The following DIP2C variants were observed in gnomAD, a reference collection of about 807,000 sequenced individuals.
DIP2C encodes the protein disco-interacting protein 2 homolog C.
Under a neutral mutation model 192.4 loss-of-function variants are expected in DIP2C, and 33 were observed. That is an observed-to-expected ratio of 0.17 (90% CI 0.13 to 0.23). The LOEUF (loss-of-function observed/expected upper bound fraction) is 0.23. DIP2C is among the 10% of genes least tolerant of loss of function. The probability of loss-of-function intolerance (pLI) is 1.00; values close to 1 mark genes in which losing one functional copy is unlikely to be tolerated. For synonymous variants in DIP2C, 979 were observed against 864.1 expected, an observed-to-expected ratio of 1.13 and a Z score of -2.33; for missense variants, 1,537 against 2,110.1, an observed-to-expected ratio of 0.73 and a Z score of 5.32.
intron 1 of DIP2C, among the ~76,000 whole-genome samples, chr10:633,749 T>C (rs1024694529): frequency 3.9e-5 from 6 of 152,204 alleles, no homozygotes; most frequent in East Asian, 1.9e-4. Context: ...CCTCCACCCA[T>C]TGAAGCACAA....
At chr10:356,578 C>T (rs1052330188) in intron 23 of DIP2C, 72 bp from the exon 24 acceptor site, 1 of 1,302,996 alleles carries the variant, frequency 7.7e-7, no homozygotes, top group Admixed American at 2.0e-5. Flanking sequence ...GGTGGGGCAA[C>T]CTGGATACTC....
At position 414,739 on chromosome 10, in the gene DIP2C, GTACA is replaced by G. The variant is rs1474942340; in HGVS notation, c.860-633_860-630del. Among the ~76,000 whole-genome samples, 94 of 90,516 alleles carry G rather than the reference GTACA, an allele frequency of 1.0e-3. 4 individuals carry two copies. The highest frequency in any genetic ancestry group is 3.4e-3 in the African/African-American group (75 of 22,222). The allele number at this position is 90,516 out of a possible 152,430, so 59.4% of individuals were successfully genotyped here. On this transcript the variant is annotated intron_variant, in intron 7 of 36. Transcript: ENST00000280886. ...TGTGTGTGTGTGTGTGTGTGTGTGT[GTACA>G]TATATATATATATAATGTGTATATA...
At chr10:664,657 A>T (rs1856976853) in intron 1 of DIP2C, 2 of 152,256 alleles carry the variant, frequency 1.3e-5, no homozygotes, top group South Asian at 2.1e-4. Context: ...ATGATTTTTT[A>T]AAATTTATGT....
chr10:649,932 G>T, intron 1 of DIP2C: 1 of 589,512 alleles, frequency 1.7e-6, no homozygotes, highest in South Asian at 2.0e-5. Context: ...GCGTCACGGC[G>T]TTGCCGCACA....
intron 2 of DIP2C, among the ~76,000 whole-genome samples, chr10:480,626 T>TCC (rs753753540): frequency 1.3e-5 from 2 of 152,346 alleles, no homozygotes; most frequent in Non-Finnish European, 2.9e-5. Flanking sequence ...GGTGCTACCC[T>TCC]CCCCACTGGA....
intron 1 of DIP2C, chr10:668,131 CAT>C (rs1295579873): frequency 2.6e-5 from 4 of 151,736 alleles, no homozygotes; most frequent in Middle Eastern, 3.4e-3. Flanking sequence ...CAACATACAA[CAT>C]ATACAACACA....
At chr10:430,175 C>T (rs1419388234) in intron 4 of DIP2C, 3 of 152,184 alleles carry the variant, frequency 2.0e-5, no homozygotes, top group Non-Finnish European at 4.4e-5. Flanking sequence ...GATTTGCCAT[C>T]TTTATATCTT....
At chr10:402,032 T>C (rs1422068618) in intron 9 of DIP2C, among the ~76,000 whole-genome samples, 1 of 110,254 alleles carries the variant, frequency 9.1e-6, no homozygotes, top group Non-Finnish European at 1.9e-5. Context: ...TATGGACAAG[T>C]TTGGTATGTG....
chr10:328,737 G>A (rs1209362596), intron 30 of DIP2C, among the ~76,000 whole-genome samples: 1 of 151,222 alleles, frequency 6.6e-6, no homozygotes, highest in Non-Finnish European at 1.5e-5. Flanking sequence ...CTGTGTAGAT[G>A]ACAGAAACAC....
At position 276,838 on chromosome 10, in the gene DIP2C, G is replaced by C. The variant is rs1045064384; in HGVS notation, c.*487C>G. 12 of 155,340 alleles carry C rather than the reference G, an allele frequency of 7.7e-5. No homozygotes were observed. The highest frequency in any genetic ancestry group is 2.9e-4 in the African/African-American group (12 of 41,566). 9.6% of individuals were successfully genotyped at this position (155,340 alleles called of 1,614,324 possible). A position where few individuals can be genotyped will look rare whatever the true frequency, so the allele number is the denominator to read the frequency against. On this transcript the variant is annotated 3_prime_UTR_variant, in exon 37 of 37. Transcript: ENST00000280886. ...CTCGTACCTCAAACTTTCCTAAAAG[G>C]ATGAGATCTAGCAATGGCTTAAATT...
chr10:658,018 C>A lies in DIP2C; in HGVS notation c.85+31476G>T, dbSNP rs576439626. On this transcript the variant is annotated intron_variant, in intron 1 of 36. Coordinates refer to ENST00000280886, the MANE Select transcript of DIP2C (RefSeq NM_014974.3). ...GCCACTGGACCTGACCCTGGACCTG[C>A]CCCTGGACCTGCCCTTGGACCTGTC... Among the ~76,000 whole-genome samples the A allele has an allele frequency of 4.3e-3, 613 of 144,158 alleles. 2 individuals are homozygous for A. The highest frequency in any genetic ancestry group is 0.015 in the African/African-American group (563 of 38,376). The allele number at this position is 144,158 out of a possible 152,430, so 94.6% of individuals were successfully genotyped here.
At chr10:362,361 G>A (rs1959642199) in intron 22 of DIP2C, 129 bp downstream of exon 22, 1 of 1,087,904 alleles carries the variant, frequency 9.2e-7, no homozygotes. Flanking sequence ...ATTTTCTTGG[G>A]GTAACCACTT....
chr10:551,364 C>T (rs1848577196), intron 1 of DIP2C, among the ~76,000 whole-genome samples: 1 of 152,222 alleles, frequency 6.6e-6, no homozygotes, highest in African/African-American at 2.4e-5. Context: ...CTTGGAGTTC[C>T]AAAGGCCACG....
intron 32 of DIP2C, among the ~76,000 whole-genome samples, chr10:289,882 A>G (rs1022752499): frequency 1.3e-5 from 2 of 152,184 alleles, no homozygotes; most frequent in African/African-American, 4.8e-5. Flanking sequence ...ATGTGGCTGC[A>G]CTGCTCCTGC....
chr10:408,720 A>G (rs1964982526), intron 9 of DIP2C, among the ~76,000 whole-genome samples: 2 of 152,218 alleles, frequency 1.3e-5, no homozygotes, highest in Non-Finnish European at 2.9e-5. Context: ...GGACAAGACC[A>G]TTACCTGCTC....
Position 348,780 on chromosome 10 carries a change from C to T in DIP2C, c.3110-18G>A. On this transcript the variant is annotated intron_variant, in intron 25 of 36. Coordinates refer to ENST00000280886, the MANE Select transcript of DIP2C (RefSeq NM_014974.3). ...GTCTATTCCTACACAAGGAGAGAAA[C>T]ATCATCATTGAAGCAGACCACGCTG... is the stretch of plus-strand genomic sequence containing the variant. The T allele has an allele frequency of 6.2e-7, 1 of 1,611,770 alleles. No individual in the cohort carries two copies. Among genetic ancestry groups the T allele is most frequent in the Non-Finnish European group, 8.5e-7 (1 of 1,179,412 alleles).
At chr10:543,124 A>G (rs532068120) in intron 1 of DIP2C, among the ~76,000 whole-genome samples, 1 of 152,226 alleles carries the variant, frequency 6.6e-6, no homozygotes, top group African/African-American at 2.4e-5. Context: ...CACAGATACA[A>G]CTGGACAGCA....
intron 1 of DIP2C, among the ~76,000 whole-genome samples, chr10:597,188 G>A (rs1305849556): frequency 6.6e-6 from 1 of 152,206 alleles, no homozygotes; most frequent in East Asian, 1.9e-4. Context: ...TCCGTCTTCT[G>A]CCCCCGGTGC....
chr10:380,582 C>T (rs1201920330), intron 17 of DIP2C, among the ~76,000 whole-genome samples: 1 of 152,270 alleles, frequency 6.6e-6, no homozygotes, highest in Admixed American at 6.5e-5. Context: ...CCGTCCTCTA[C>T]AGACCCTTCT....
Sources: allele counts gnomAD v4.1 joint callset (sites outside exome capture counted in the v4.1 genomes callset), GRCh38; gene constraint gnomAD v4.1.1; transcripts MANE v1.5; gene names NCBI Gene and HGNC (gene_info 2026-07-23, HGNC 2026-07-21).